The following DAP variants were observed in gnomAD, a reference collection of about 807,000 sequenced individuals.
DAP encodes the protein death associated protein, also known as death-associated protein 1.
Under a neutral mutation model 13.8 loss-of-function variants are expected in DAP, and 8 were observed. The observed-to-expected ratio is 0.58, with a 90% CI of 0.34 to 1.05. DAP has a LOEUF of 1.05. DAP is among the 50% of genes least tolerant of loss of function. The pLI is 0.03. For synonymous variants in DAP, 47 were observed against 47.5 expected, an observed-to-expected ratio of 0.99 and a Z score of 0.04; for missense variants, 106 against 133.2, an observed-to-expected ratio of 0.80 and a Z score of 1.01.
chr5:10,713,407 T>C (rs1168417181), intron 2 of DAP, among the ~76,000 whole-genome samples: 5 of 152,042 alleles, frequency 3.3e-5, no homozygotes, highest in African/African-American at 1.2e-4. Flanking sequence ...TCACAATGAC[T>C]GATTTTCAAG....
rs778556417 is a variant in DAP, at chr5:10,680,927, C to G, written c.*129G>C. On this transcript the variant is annotated 3_prime_UTR_variant, in exon 4 of 4. Transcript: ENST00000230895. ...AAATATGGAAATGTAAGGCAAAGGA[C>G]AGAGCACTTGGTTTTGCCTTAGATT... The G allele has an allele frequency of 1.0e-5, 16 of 1,538,722 alleles. No individual in the cohort carries two copies. The South Asian group carries it at 1.7e-4, about 16-fold the overall frequency.
At chr5:10,753,619 G>T (rs1407668326) in intron 1 of DAP, among the ~76,000 whole-genome samples, 1 of 152,234 alleles carries the variant, frequency 6.6e-6, no homozygotes, top group Admixed American at 6.5e-5. Context: ...TGCAGTCACT[G>T]GTGGCTTGCT....
chr5:10,688,743 T>C (rs1738220350), intron 2 of DAP, among the ~76,000 whole-genome samples: 1 of 152,140 alleles, frequency 6.6e-6, no homozygotes, highest in Non-Finnish European at 1.5e-5. Context: ...TCCCCAGCAA[T>C]GAGGGTGGTC....
chr5:10,740,951 G>A (rs1413415722), intron 2 of DAP, among the ~76,000 whole-genome samples: 3 of 152,208 alleles, frequency 2.0e-5, no homozygotes, highest in African/African-American at 7.2e-5. Context: ...AATGTAAGTG[G>A]AAGTTGTAGC....
intron 2 of DAP, among the ~76,000 whole-genome samples, chr5:10,738,817 A>G (rs1739680973): frequency 6.6e-6 from 1 of 152,210 alleles, no homozygotes; most frequent in South Asian, 2.1e-4. Flanking sequence ...TAGTAAACAC[A>G]CACTAAAGCA....
intron 2 of DAP, among the ~76,000 whole-genome samples, chr5:10,686,562 TA>T (rs1738159733): frequency 6.6e-6 from 1 of 151,452 alleles, no homozygotes; most frequent in South Asian, 2.1e-4. Flanking sequence ...GTGGTCTGGA[TA>T]AAAGACAAGC....
At chr5:10,751,216 T>A (rs1740037922) in intron 1 of DAP, among the ~76,000 whole-genome samples, 1 of 152,326 alleles carries the variant, frequency 6.6e-6, no homozygotes, top group African/African-American at 2.4e-5. Context: ...GTTTTGGGTT[T>A]CCAGGAATTC....
At chr5:10,723,839 T>C (rs1739218293) in intron 2 of DAP, among the ~76,000 whole-genome samples, 1 of 152,226 alleles carries the variant, frequency 6.6e-6, no homozygotes. Context: ...ACACCTTCTA[T>C]GTTGACAGAG....
chr5:10,757,171 C>T (rs552763662), intron 1 of DAP, among the ~76,000 whole-genome samples: 70 of 152,290 alleles, frequency 4.6e-4, no homozygotes, highest in African/African-American at 1.6e-3. Flanking sequence ...GTGATGGAGT[C>T]GTCTGTCGGG....
chr5:10,715,959 C>T (rs1322835130), intron 2 of DAP, among the ~76,000 whole-genome samples: 1 of 152,270 alleles, frequency 6.6e-6, no homozygotes, highest in African/African-American at 2.4e-5. Context: ...GAGATAAACA[C>T]TGCTGTTAAT....
chr5:10,740,377 A>C (rs1272875576), intron 2 of DAP, among the ~76,000 whole-genome samples: 1 of 152,228 alleles, frequency 6.6e-6, no homozygotes, highest in Non-Finnish European at 1.5e-5. Context: ...GATATTTTTG[A>C]AAAGACAATG....
chr5:10,704,092 G>T (rs1270137692), intron 2 of DAP, among the ~76,000 whole-genome samples: 1 of 152,190 alleles, frequency 6.6e-6, no homozygotes, highest in African/African-American at 2.4e-5. Flanking sequence ...GTACCCCAGA[G>T]TTTCCTTTAT....
At chr5:10,745,158 T>G (rs1053124619) in intron 2 of DAP, among the ~76,000 whole-genome samples, 1 of 151,776 alleles carries the variant, frequency 6.6e-6, no homozygotes, top group African/African-American at 2.4e-5. Flanking sequence ...GGAGTGGGAG[T>G]GCATGGTGGT....
At chr5:10,726,669 C>T (rs1029037577) in intron 2 of DAP, among the ~76,000 whole-genome samples, 1 of 152,220 alleles carries the variant, frequency 6.6e-6, no homozygotes, top group East Asian at 1.9e-4. Flanking sequence ...AGCTTACCCT[C>T]GTTACATCCA....
chr5:10,710,430 T>A (rs1483803993), intron 2 of DAP, among the ~76,000 whole-genome samples: 2 of 152,162 alleles, frequency 1.3e-5, no homozygotes, highest in Non-Finnish European at 2.9e-5. Context: ...AGAGGCCTCC[T>A]GGGAAACGTG....
chr5:10,760,776 C>A (rs1183608104), intron 1 of DAP, among the ~76,000 whole-genome samples: 1 of 152,148 alleles, frequency 6.6e-6, no homozygotes, highest in East Asian at 1.9e-4. Flanking sequence ...CGGCCGCCCG[C>A]GGTCCTCAGG....
chr5:10,693,122 ACG>A (rs764872902), intron 2 of DAP, among the ~76,000 whole-genome samples: 2 of 42,272 alleles, frequency 4.7e-5, no homozygotes, highest in Admixed American at 6.0e-4. Flanking sequence ...AAACATGCAC[ACG>A]CACACACACA....
intron 2 of DAP, among the ~76,000 whole-genome samples, chr5:10,700,074 C>A (rs1214056886): frequency 6.6e-6 from 1 of 152,182 alleles, no homozygotes; most frequent in Non-Finnish European, 1.5e-5. Flanking sequence ...CAGAATGGGG[C>A]CCTGGGTGGG....
intron 2 of DAP, among the ~76,000 whole-genome samples, chr5:10,692,116 G>A (rs1022007997): frequency 6.6e-6 from 1 of 152,170 alleles, no homozygotes; most frequent in Non-Finnish European, 1.5e-5. Flanking sequence ...GGAAAGGGCT[G>A]AGAAACCCAA....
Sources: gnomAD v4.1 joint callset for allele counts (sites outside exome capture counted in the v4.1 genomes callset) on GRCh38, gnomAD v4.1.1 for gene constraint, MANE v1.5 for transcripts, NCBI Gene and HGNC (gene_info 2026-07-23, HGNC 2026-07-21) for gene names.